COL28A1: variants seen among roughly 807,000 people sequenced by gnomAD.
COL28A1 encodes the protein collagen type XXVIII alpha 1 chain.
In COL28A1, 161 loss-of-function variants were observed where a neutral mutation model predicts 150.2. The ratio of observed to expected loss-of-function variants is 1.07; its 90% CI spans 0.94 to 1.22. The LOEUF (loss-of-function observed/expected upper bound fraction) is 1.22. Ranked by LOEUF, COL28A1 falls within the 50% of genes most tolerant of loss-of-function variation. The pLI is 0.00. For synonymous variants in COL28A1, 552 were observed against 469.7 expected, an observed-to-expected ratio of 1.18 and a Z score of -2.26; for missense variants, 1,617 against 1,388.3, an observed-to-expected ratio of 1.16 and a Z score of -2.62.
At chr7:7,382,281 G>T (rs965049691) in intron 27 of COL28A1, among the ~76,000 whole-genome samples, 6 of 151,688 alleles carry the variant, frequency 4.0e-5, no homozygotes, top group African/African-American at 1.5e-4. Flanking sequence ...CTGCACTCCA[G>T]CCTGGGCAAC....
At chr7:7,452,817 G>C (rs1247932350) in intron 17 of COL28A1, among the ~76,000 whole-genome samples, 3 of 152,324 alleles carry the variant, frequency 2.0e-5, no homozygotes, top group Non-Finnish European at 4.4e-5. Flanking sequence ...AGAATAGTCA[G>C]AGTGGTCCAT....
intron 25 of COL28A1, among the ~76,000 whole-genome samples, chr7:7,421,662 A>T (rs1481231537): frequency 1.3e-5 from 2 of 152,234 alleles, no homozygotes; most frequent in East Asian, 3.8e-4. Context: ...CTTTTAATTT[A>T]CTTTCTACTT....
intron 3 of COL28A1, among the ~76,000 whole-genome samples, chr7:7,530,025 A>G (rs1782260001): frequency 6.6e-6 from 1 of 152,112 alleles, no homozygotes; most frequent in Non-Finnish European, 1.5e-5. Context: ...GCTAGAAACA[A>G]TAGTAACTTT....
chr7:7,498,600 A>G (rs947653888), intron 11 of COL28A1, among the ~76,000 whole-genome samples: 2 of 152,212 alleles, frequency 1.3e-5, no homozygotes, highest in African/African-American at 4.8e-5. Context: ...ATACTTATAG[A>G]TGGTTCAAAT....
intron 13 of COL28A1, 74 bp from the exon 14 acceptor site, chr7:7,477,254 G>C (rs761580923): frequency 8.8e-6 from 7 of 791,288 alleles, no homozygotes; most frequent in Admixed American, 4.1e-5. Context: ...AAAGAGGAAA[G>C]AGGAAGAAAG....
At chr7:7,432,265 C>T (rs1276859129) in intron 25 of COL28A1, among the ~76,000 whole-genome samples, 3 of 152,084 alleles carry the variant, frequency 2.0e-5, no homozygotes, top group African/African-American at 7.2e-5. Context: ...ATGCGAGTTG[C>T]TATCAGAGAA....
chr7:7,535,042 G>T (rs1422588249), intron 1 of COL28A1, among the ~76,000 whole-genome samples: 3 of 151,840 alleles, frequency 2.0e-5, no homozygotes, highest in African/African-American at 7.3e-5. Flanking sequence ...GTTTTATTTT[G>T]CCTCTGTTTT....
chr7:7,350,356 G>A, the COL28A1 span, among the ~76,000 whole-genome samples: 1 of 152,130 alleles, frequency 6.6e-6, no homozygotes, highest in Non-Finnish European at 1.5e-5. Context: ...GACTCCTGGT[G>A]TACAGTGGAG....
Position 7,396,101 on chromosome 7 carries a change from T to C in COL28A1, c.2137-14489A>G, listed in dbSNP as rs180870076. Among the ~76,000 whole-genome samples, 32 of 152,300 alleles carry C rather than the reference T, an allele frequency of 2.1e-4. No homozygotes were observed. In the East Asian group the frequency reaches 6.2e-3, roughly 29 times the overall value. On this transcript the variant is annotated intron_variant, in intron 27 of 34. Coordinates refer to ENST00000399429, the MANE Select transcript of COL28A1 (RefSeq NM_001037763.3). ...ATTCACTTGAGAAGGTAAAGGTATTTCTCATTAGCCTTTCTAGTACATAAA... is the reference window on the plus strand; with the variant it reads ...ATTCACTTGAGAAGGTAAAGGTATTCCTCATTAGCCTTTCTAGTACATAAA...
intron 25 of COL28A1, among the ~76,000 whole-genome samples, chr7:7,427,066 G>A (rs143965334): frequency 3.9e-5 from 6 of 152,268 alleles, no homozygotes; most frequent in Non-Finnish European, 8.8e-5. Context: ...GGAAAAGTAC[G>A]TACATACTCA....
intron 9 of COL28A1, among the ~76,000 whole-genome samples, chr7:7,507,571 A>C (rs1780880626): frequency 6.6e-6 from 1 of 152,186 alleles, no homozygotes; most frequent in Admixed American, 6.5e-5. Flanking sequence ...CATCTTCAAA[A>C]CACTGAACGT....
In COL28A1 at chr7:7,456,079, T is replaced by G. The variant is rs749955723; in HGVS notation, c.1336A>C (p.Met446Leu). The change falls in exon 16 of 35, where the codon ATG becomes CTG. Residue 446 changes from methionine to leucine, a missense_variant. Transcript: ENST00000399429. ...DIGPVGPQGPMGIPGIGSQGE... is the reference protein window; with the variant it reads ...DIGPVGPQGPLGIPGIGSQGE... The stretch of plus-strand genomic sequence containing the variant: ...TGACTCCCGATTCCAGGGATACCCA[T>G]TGGTCCTTGGGGTCCCACAGGTCCT... 1 of 1,613,948 alleles carries G rather than the reference T, an allele frequency of 6.2e-7. No individual in the cohort carries two copies. The highest frequency in any genetic ancestry group is 1.7e-5 in the Admixed American group (1 of 60,016).
the COL28A1 span, among the ~76,000 whole-genome samples, chr7:7,345,130 T>C: frequency 6.6e-6 from 1 of 152,082 alleles, no homozygotes; most frequent in Non-Finnish European, 1.5e-5. Flanking sequence ...TATGTTATTT[T>C]ATTAACAACC....
At chr7:7,533,764 CTCTT>C (rs1339470350) in intron 1 of COL28A1, among the ~76,000 whole-genome samples, 1 of 152,146 alleles carries the variant, frequency 6.6e-6, no homozygotes, top group African/African-American at 2.4e-5. Context: ...CACCAACTGA[CTCTT>C]AAACTGACAG....
At chr7:7,424,897 C>T (rs1034982624) in intron 25 of COL28A1, among the ~76,000 whole-genome samples, 3 of 152,020 alleles carry the variant, frequency 2.0e-5, no homozygotes, top group Non-Finnish European at 4.4e-5. Context: ...TAGACCATAA[C>T]CTTGCAGAGT....
rs17518494 is a variant in COL28A1, at chr7:7,441,331, C to G, written c.1651-470G>C. 4.9e-3 allele frequency among the ~76,000 whole-genome samples: 741 copies of G among 151,920 alleles called. 9 individuals are homozygous for G. The highest frequency in any genetic ancestry group is 0.029 in the East Asian group (148 of 5,156). On this transcript the variant is annotated intron_variant, in intron 20 of 34. Coordinates refer to ENST00000399429, the MANE Select transcript of COL28A1 (RefSeq NM_001037763.3). Reference sequence around the variant, plus strand: ...TCTAATTCTTTCCCCCAAAAGAGACCAATAGTTTTATTGGCAGGAAGATGC... The same window carrying G: ...TCTAATTCTTTCCCCCAAAAGAGACGAATAGTTTTATTGGCAGGAAGATGC...
intron 11 of COL28A1, among the ~76,000 whole-genome samples, chr7:7,494,083 A>G (rs1356630703): frequency 6.6e-6 from 1 of 152,138 alleles, no homozygotes; most frequent in Non-Finnish European, 1.5e-5. Flanking sequence ...GGAGGCAGCA[A>G]AAAGTTTAGG....
At chr7:7,444,758 G>A (rs879388343) in intron 18 of COL28A1, among the ~76,000 whole-genome samples, 4 of 152,052 alleles carry the variant, frequency 2.6e-5, no homozygotes, top group Non-Finnish European at 5.9e-5. Flanking sequence ...TGGAAACATG[G>A]TCTTTGCAGA....
At chr7:7,389,893 G>C (rs4724980) in intron 27 of COL28A1, among the ~76,000 whole-genome samples, 1 of 152,000 alleles carries the variant, frequency 6.6e-6, no homozygotes, top group Non-Finnish European at 1.5e-5. Flanking sequence ...AGGAGATTTT[G>C]GGCTGAGACA....
Sources: allele counts gnomAD v4.1 joint callset (sites outside exome capture counted in the v4.1 genomes callset), GRCh38; gene constraint gnomAD v4.1.1; transcripts MANE v1.5; gene names NCBI Gene and HGNC (gene_info 2026-07-23, HGNC 2026-07-21).